Variants in ZNF804B observed in about 807,000 individuals in gnomAD.
ZNF804B encodes zinc finger protein 804B.
A neutral mutation model predicts 101.4 loss-of-function variants in ZNF804B; 80 were observed. The observed-to-expected ratio is 0.79, with a 90% CI of 0.66 to 0.95. The LOEUF (loss-of-function observed/expected upper bound fraction) is 0.95, where lower values mean the gene tolerates loss of function less well. Among genes scored for constraint, ZNF804B ranks in the 40% least tolerant of loss-of-function variants. The probability of loss-of-function intolerance (pLI) is 0.00; values close to 1 mark genes in which losing one functional copy is unlikely to be tolerated. For missense variants in ZNF804B, 1,673 were observed against 1,561.9 expected (o/e 1.07, Z -1.20); for synonymous variants, 622 against 558.8 (o/e 1.11, Z -1.59).
intron 2 of ZNF804B, among the ~76,000 whole-genome samples, chr7:89,240,377 C>T (rs564063149): frequency 2.6e-5 from 4 of 151,776 alleles, no homozygotes; most frequent in African/African-American, 9.7e-5. Flanking sequence ...TGGGTTTGTT[C>T]ATGTAAATCC....
rs79415610 is a variant in ZNF804B, at chr7:89,118,668, A to G, written c.109-99487A>G. 4.1e-3 allele frequency among the ~76,000 whole-genome samples: 631 copies of G among 152,290 alleles called. 2 individuals carry two copies. Among genetic ancestry groups the G allele is most frequent in the Non-Finnish European group, 7.5e-3 (511 of 68,008 alleles). ...CCTTTGACCTTACCTTGAAAATTCCATTCCAAAGCACACTAACAAGCTATT... is the reference window on the plus strand; with the variant it reads ...CCTTTGACCTTACCTTGAAAATTCCGTTCCAAAGCACACTAACAAGCTATT... On this transcript the variant is annotated intron_variant, in intron 1 of 3. Transcript: ENST00000333190.
At chr7:89,205,043 CA>C (rs1788695256) in intron 1 of ZNF804B, among the ~76,000 whole-genome samples, 1 of 152,120 alleles carries the variant, frequency 6.6e-6, no homozygotes, top group African/African-American at 2.4e-5. Context: ...GAATGAGGAG[CA>C]AGGTCATGTC....
chr7:89,162,561 C>G lies in ZNF804B; in HGVS notation c.109-55594C>G, dbSNP rs80068352. On this transcript the variant is annotated intron_variant, in intron 1 of 3. Coordinates refer to ENST00000333190, the MANE Select transcript of ZNF804B (RefSeq NM_181646.5). ...CTTTAATTTTGTTCCTAAAGTGAAA[C>G]CACAGCTACCAGCAAAAGCATTTGT... 0.012 allele frequency among the ~76,000 whole-genome samples: 1,829 copies of G among 150,610 alleles called. 129 individuals carry two copies. The East Asian group carries it at 0.22, about 18-fold the overall frequency.
At chr7:88,849,579 A>G (rs966052448) in intron 1 of ZNF804B, among the ~76,000 whole-genome samples, 1 of 151,656 alleles carries the variant, frequency 6.6e-6, no homozygotes, top group Non-Finnish European at 1.5e-5. Context: ...GGCTCACTGC[A>G]ACCTCCACCT....
At chr7:89,215,669 GTCC>G (rs1788880055) in intron 1 of ZNF804B, among the ~76,000 whole-genome samples, 1 of 151,514 alleles carries the variant, frequency 6.6e-6, no homozygotes, top group Non-Finnish European at 1.5e-5. Context: ...GCATCACGAG[GTCC>G]GGAGATCAAG....
intron 2 of ZNF804B, among the ~76,000 whole-genome samples, chr7:89,262,203 A>C (rs1789721806): frequency 6.6e-6 from 1 of 152,234 alleles, no homozygotes; most frequent in Non-Finnish European, 1.5e-5. Context: ...GAGCTGGATC[A>C]AGTGTAATTT....
intron 2 of ZNF804B, among the ~76,000 whole-genome samples, chr7:89,302,186 AC>A (rs1790485947): frequency 6.6e-6 from 1 of 151,882 alleles, no homozygotes; most frequent in Non-Finnish European, 1.5e-5. Flanking sequence ...TTGTGTGTAT[AC>A]CAAATATATG....
chr7:88,939,400 C>G (rs1168023531), intron 1 of ZNF804B, among the ~76,000 whole-genome samples: 1 of 151,702 alleles, frequency 6.6e-6, no homozygotes, highest in Admixed American at 6.6e-5. Flanking sequence ...TTGGTTGAAT[C>G]CACAGACAGA....
At chr7:89,108,640 A>C (rs1249932433) in intron 1 of ZNF804B, among the ~76,000 whole-genome samples, 1 of 152,142 alleles carries the variant, frequency 6.6e-6, no homozygotes, top group Non-Finnish European at 1.5e-5. Flanking sequence ...GGCAAAGGAA[A>C]CTGATCCTAT....
intron 2 of ZNF804B, among the ~76,000 whole-genome samples, chr7:89,269,227 C>A (rs552884429): frequency 6.6e-6 from 1 of 152,092 alleles, no homozygotes. Flanking sequence ...CCCTACCCCA[C>A]AACAGGCTCT....
chr7:89,137,420 G>A (rs1790654215), intron 1 of ZNF804B, among the ~76,000 whole-genome samples: 1 of 152,114 alleles, frequency 6.6e-6, no homozygotes, highest in Non-Finnish European at 1.5e-5. Context: ...GGCTGAGGTG[G>A]TCTCAGATGG....
intron 1 of ZNF804B, among the ~76,000 whole-genome samples, chr7:88,936,771 C>T (rs1311480208): frequency 6.6e-6 from 1 of 151,928 alleles, no homozygotes; most frequent in African/African-American, 2.4e-5. Context: ...AGAGTTCTAC[C>T]TTATGCTTGG....
chr7:88,942,281 C>T (rs769812871), intron 1 of ZNF804B, among the ~76,000 whole-genome samples: 6 of 151,884 alleles, frequency 4.0e-5, no homozygotes, highest in African/African-American at 1.4e-4. Context: ...CCATCGCAGG[C>T]AACATTCTGT....
rs546249191 is a variant in ZNF804B at position 89,209,036 on chromosome 7, T to C, written c.109-9119T>C. On this transcript the variant is annotated intron_variant, in intron 1 of 3. Coordinates refer to ENST00000333190, the MANE Select transcript of ZNF804B (RefSeq NM_181646.5). ...CAAAAAAATAAAATAATAATAATAA[T>C]AATAATCCCTGTTCAATTGCAGTCA... 4.5e-4 allele frequency among the ~76,000 whole-genome samples: 68 copies of C among 152,016 alleles called. No homozygotes were observed. The Middle Eastern group carries it at 0.01, about 23-fold the overall frequency.
intron 1 of ZNF804B, among the ~76,000 whole-genome samples, chr7:88,771,092 A>G (rs543800348): frequency 3.9e-5 from 6 of 152,234 alleles, no homozygotes; most frequent in African/African-American, 1.2e-4. Context: ...CTTTACCCAG[A>G]TGTTTCCCTG....
At chr7:89,125,191 T>A (rs1031088421) in intron 1 of ZNF804B, among the ~76,000 whole-genome samples, 1 of 151,962 alleles carries the variant, frequency 6.6e-6, no homozygotes, top group African/African-American at 2.4e-5. Context: ...CAGCTGTAAG[T>A]AGCGCCAAGG....
At chr7:88,794,447 A>T (rs1234213668) in intron 1 of ZNF804B, 1 of 1,613,800 alleles carries the variant, frequency 6.2e-7, no homozygotes, top group East Asian at 2.2e-5. Flanking sequence ...TCCTTTAGGG[A>T]CTGTGACTGT....
chr7:89,286,832 T>C (rs965171762), intron 2 of ZNF804B, among the ~76,000 whole-genome samples: 1 of 152,066 alleles, frequency 6.6e-6, no homozygotes, highest in Admixed American at 6.5e-5. Context: ...AATAAAAATA[T>C]TTTTTAGAGC....
At chr7:89,314,081 T>TA (rs1790683980) in intron 2 of ZNF804B, among the ~76,000 whole-genome samples, 1 of 152,188 alleles carries the variant, frequency 6.6e-6, no homozygotes, top group Non-Finnish European at 1.5e-5. Context: ...TGTGTAGTAT[T>TA]AATACCCAAC....
Sources: allele counts gnomAD v4.1 joint callset (sites outside exome capture counted in the v4.1 genomes callset), GRCh38; gene constraint gnomAD v4.1.1; transcripts MANE v1.5; gene names NCBI Gene and HGNC (gene_info 2026-07-23, HGNC 2026-07-21).